KLHL18: variants seen among roughly 807,000 people sequenced by gnomAD.
KLHL18 encodes the protein kelch like family member 18, also known as kelch-like protein 18.
A neutral mutation model predicts 58.5 loss-of-function variants in KLHL18; 38 were observed. The observed-to-expected ratio is 0.65, with a 90% CI of 0.50 to 0.85. The LOEUF is 0.85. Ranked by LOEUF, KLHL18 falls within the 40% of genes least tolerant of loss-of-function variation. The probability of loss-of-function intolerance (pLI) is 0.00; values close to 1 mark genes in which losing one functional copy is unlikely to be tolerated. For missense variants in KLHL18, 624 were observed against 778.4 expected, an observed-to-expected ratio of 0.80 and a Z score of 2.36; for synonymous variants, 303 against 301.9, an observed-to-expected ratio of 1.00 and a Z score of -0.04.
At chr3:47,332,310 GC>G (rs1299377498) in intron 4 of KLHL18, among the ~76,000 whole-genome samples, 1 of 151,914 alleles carries the variant, frequency 6.6e-6, no homozygotes, top group Non-Finnish European at 1.5e-5. Context: ...AGCTGAGATT[GC>G]GCCACTGCAC....
chr3:47,287,737 G>A (rs1381912903), intron 1 of KLHL18, among the ~76,000 whole-genome samples: 3 of 151,978 alleles, frequency 2.0e-5, no homozygotes, highest in South Asian at 4.1e-4. Flanking sequence ...TGCCTGCCTC[G>A]GCCTCCCAAA....
intron 1 of KLHL18, among the ~76,000 whole-genome samples, chr3:47,304,468 A>C (rs184093728): frequency 1.3e-5 from 2 of 152,268 alleles, no homozygotes; most frequent in East Asian, 3.9e-4. Context: ...ATGCCACTGC[A>C]CTCTAGCCTG....
At chr3:47,289,159 A>C (rs1013038599) in intron 1 of KLHL18, among the ~76,000 whole-genome samples, 1 of 152,182 alleles carries the variant, frequency 6.6e-6, no homozygotes, top group East Asian at 1.9e-4. Context: ...ACCAAACCTG[A>C]GTATTATTCA....
intron 9 of KLHL18, among the ~76,000 whole-genome samples, chr3:47,343,226 T>C (rs1446429060): frequency 1.3e-5 from 2 of 152,242 alleles, no homozygotes; most frequent in Non-Finnish European, 2.9e-5. Context: ...AGTCATTCCA[T>C]AGTCAGTCAG....
chr3:47,343,932 C>T lies in KLHL18; in HGVS notation c.1716C>T (p.Leu572=). ...GGVGVGCIPL[L]TI ...TCGGTGTGGGCTGCATCCCTCTCCT[C>T]ACCATCTAAGGCAGAGGATGGGATG... The change falls in exon 10 of 10, where the codon CTC becomes CTT. Residue 572 remains leucine, a synonymous_variant. Coordinates refer to ENST00000232766, the MANE Select transcript of KLHL18 (RefSeq NM_025010.5). 2 of 1,613,462 alleles carry T rather than the reference C, an allele frequency of 1.2e-6. No individual in the cohort carries two copies. The highest frequency in any genetic ancestry group is 1.7e-6 in the Non-Finnish European group (2 of 1,179,994).
intron 1 of KLHL18, among the ~76,000 whole-genome samples, chr3:47,306,833 G>A (rs1187797790): frequency 6.6e-6 from 1 of 152,070 alleles, no homozygotes; most frequent in Non-Finnish European, 1.5e-5. Context: ...ACTTCTCCTG[G>A]ATGTGAAATT....
intron 1 of KLHL18, among the ~76,000 whole-genome samples, chr3:47,316,466 TATATATGTATATATATAC>T (rs1703424428): frequency 1.7e-5 from 2 of 116,938 alleles, no homozygotes; most frequent in African/African-American, 6.4e-5. Context: ...TACAAATATA[TATATATGTATATATATAC>T]ATATATACAT....
intron 1 of KLHL18, among the ~76,000 whole-genome samples, chr3:47,309,919 G>A (rs1268721956): frequency 6.6e-6 from 1 of 151,448 alleles, no homozygotes; most frequent in Non-Finnish European, 1.5e-5. Context: ...CAGGGAGGTT[G>A]CAGTGAGCAG....
chr3:47,314,058 G>A (rs1703367984), intron 1 of KLHL18, among the ~76,000 whole-genome samples: 2 of 152,038 alleles, frequency 1.3e-5, no homozygotes, highest in South Asian at 4.1e-4. Context: ...TATTTTTCGA[G>A]ACATTCTCTT....
intron 1 of KLHL18, among the ~76,000 whole-genome samples, chr3:47,305,006 CAG>C (rs1703107983): frequency 6.8e-6 from 1 of 146,744 alleles, no homozygotes; most frequent in African/African-American, 2.5e-5. Context: ...ACTTGGGTGA[CAG>C]AGGGAGATCC....
chr3:47,314,550 C>G (rs1197356199), intron 1 of KLHL18, among the ~76,000 whole-genome samples: 1 of 151,242 alleles, frequency 6.6e-6, no homozygotes, highest in East Asian at 1.9e-4. Context: ...CCATGCAGGT[C>G]TCGAACTCCT....
At chr3:47,310,855 C>T (rs1005925615) in intron 1 of KLHL18, among the ~76,000 whole-genome samples, 1 of 152,162 alleles carries the variant, frequency 6.6e-6, no homozygotes. Context: ...TGCCACCATC[C>T]AGGCCGAGCT....
chr3:47,340,563 C>T lies in KLHL18; in HGVS notation c.1122-9C>T. 1.2e-6 allele frequency: 2 copies of T among 1,613,944 alleles called. No homozygotes were observed. The highest frequency in any genetic ancestry group is 1.7e-6 in the Non-Finnish European group (2 of 1,179,940). ...GGCTCATCTGGGATGACAGCTCTGT[C>T]TGTTTCAGTGCCATGGGGACAGTCG... On this transcript the variant is annotated splice_polypyrimidine_tract_variant and intron_variant, in intron 7 of 9. Transcript: ENST00000232766.
At chr3:47,330,885 C>T (rs777504712) in intron 4 of KLHL18, among the ~76,000 whole-genome samples, 6 of 152,054 alleles carry the variant, frequency 3.9e-5, no homozygotes, top group Non-Finnish European at 5.9e-5. Context: ...GCATGCACCA[C>T]CATGCCAGGC....
intron 1 of KLHL18, chr3:47,287,122 C>T (rs573379599): frequency 6.6e-6 from 1 of 152,364 alleles, no homozygotes; most frequent in Non-Finnish European, 1.5e-5. Flanking sequence ...AGTTACTACT[C>T]ATGTGTCTTC....
chr3:47,322,955 C>T (rs1410909068), intron 3 of KLHL18, among the ~76,000 whole-genome samples: 2 of 152,172 alleles, frequency 1.3e-5, no homozygotes, highest in Admixed American at 6.5e-5. Context: ...TGTACATCTT[C>T]TGTTCCTCCC....
Position 47,334,704 on chromosome 3 carries a change from G to A in KLHL18, c.783G>A (p.Lys261=), listed in dbSNP as rs746485487. Residue 261 remains lysine (K), a synonymous_variant, in exon 6 of 10, where the codon AAG becomes AAA. Coordinates refer to ENST00000232766, the MANE Select transcript of KLHL18 (RefSeq NM_025010.5). The surrounding 1 kb of genome is among the most constrained non-coding windows in gnomAD (Gnocchi z 4.7). ...CTAGGGACCTGGTAGACGAAGCAAA[G>A]GACTACCACCTCATGCCAGAGCGCC... ...HKCRDLVDEA[K]DYHLMPERRP... The A allele has an allele frequency of 1.2e-6, 2 of 1,614,130 alleles. No homozygotes were observed. Among genetic ancestry groups the A allele is most frequent in the Non-Finnish European group, 1.7e-6 (2 of 1,180,028 alleles).
intron 1 of KLHL18, among the ~76,000 whole-genome samples, chr3:47,311,516 C>T (rs1260371731): frequency 6.6e-6 from 1 of 151,984 alleles, no homozygotes; most frequent in African/African-American, 2.4e-5. Flanking sequence ...CATAGTGAAA[C>T]CCCGTCTCTA....
chr3:47,297,470 C>G (rs1243080238), intron 1 of KLHL18: 4 of 438,266 alleles, frequency 9.1e-6, no homozygotes, highest in African/African-American at 2.0e-5. Context: ...TTTATTTCTT[C>G]AGGACTGGGA....
Sources: allele counts gnomAD v4.1 joint callset (sites outside exome capture counted in the v4.1 genomes callset), GRCh38; gene constraint gnomAD v4.1.1; non-coding constraint Gnocchi (gnomAD v3.1); transcripts MANE v1.5; gene names NCBI Gene and HGNC (gene_info 2026-07-23, HGNC 2026-07-21).